Variants in IGF1R observed in about 807,000 individuals in gnomAD.
The protein encoded by IGF1R is insulin like growth factor 1 receptor.
IGF1R carries 44 observed loss-of-function variants against 144.6 expected under a neutral mutation model. The ratio of observed to expected loss-of-function variants is 0.30; its 90% CI spans 0.24 to 0.39. The LOEUF is 0.39. IGF1R is among the 10% of genes least tolerant of loss of function. IGF1R has a pLI of 1.00. For synonymous variants in IGF1R, 795 were observed against 722.8 expected, an observed-to-expected ratio of 1.10 and a Z score of -1.60; for missense variants, 1,355 against 1,833.7, an observed-to-expected ratio of 0.74 and a Z score of 4.77.
Position 98,798,912 on chromosome 15 carries a change from C to T in IGF1R, c.640+90805C>T, listed in dbSNP as rs139738271. ...CTGTTGCAACAGCCTCTCAAGGGTT[C>T]GTTCTGCTATTAGAGCCATGTTATA... On this transcript the variant is annotated intron_variant, in intron 2 of 20. Coordinates refer to ENST00000650285, the MANE Select transcript of IGF1R (RefSeq NM_000875.5). Among the ~76,000 whole-genome samples the T allele has an allele frequency of 3.4e-3, 512 of 152,172 alleles. 5 individuals are homozygous for T. Among genetic ancestry groups the T allele is most frequent in the African/African-American group, 0.012 (484 of 41,500 alleles).
At chr15:98,877,877 A>G (rs1188264567) in intron 2 of IGF1R, among the ~76,000 whole-genome samples, 2 of 152,320 alleles carry the variant, frequency 1.3e-5, no homozygotes, top group East Asian at 1.9e-4. Context: ...TCTAAATAGT[A>G]GTTTCCCTAC....
intron 2 of IGF1R, among the ~76,000 whole-genome samples, chr15:98,798,515 T>A (rs934690993): frequency 2.0e-5 from 3 of 151,898 alleles, no homozygotes; most frequent in African/African-American, 7.3e-5. Flanking sequence ...AGGACAGAAG[T>A]AGAGAGACCA....
intron 20 of IGF1R, among the ~76,000 whole-genome samples, chr15:98,950,507 G>A (rs2016732074): frequency 6.6e-6 from 1 of 152,186 alleles, no homozygotes; most frequent in South Asian, 2.1e-4. Context: ...CCATATTCTT[G>A]GCACCTGTCA....
intron 18 of IGF1R, among the ~76,000 whole-genome samples, chr15:98,940,413 C>CT (rs2016320360): frequency 2.0e-5 from 3 of 152,058 alleles, no homozygotes; most frequent in Non-Finnish European, 2.9e-5. Flanking sequence ...AGAACGGTTT[C>CT]TTTTTTTGAG....
chr15:98,692,021 A>C (rs904526780), intron 1 of IGF1R, among the ~76,000 whole-genome samples: 4 of 152,058 alleles, frequency 2.6e-5, no homozygotes, highest in African/African-American at 9.7e-5. Flanking sequence ...TTTGTGTGTG[A>C]ATCTGTTAAG....
intron 2 of IGF1R, among the ~76,000 whole-genome samples, chr15:98,712,364 T>G (rs2054012914): frequency 6.6e-6 from 1 of 152,234 alleles, no homozygotes; most frequent in Admixed American, 6.5e-5. Flanking sequence ...TTTGCCTATT[T>G]TTTTTCTTTT....
intron 2 of IGF1R, among the ~76,000 whole-genome samples, chr15:98,826,821 C>T (rs765868956): frequency 6.6e-6 from 1 of 152,178 alleles, no homozygotes; most frequent in Non-Finnish European, 1.5e-5. Context: ...TATTTTGTTG[C>T]TGACAAGTAT....
At chr15:98,723,897 T>C (rs2054301306) in intron 2 of IGF1R, among the ~76,000 whole-genome samples, 1 of 152,226 alleles carries the variant, frequency 6.6e-6, no homozygotes, top group Non-Finnish European at 1.5e-5. Flanking sequence ...TGAATGGATT[T>C]GATTCTCTCA....
intron 20 of IGF1R, chr15:98,954,267 G>A (rs1479129134): frequency 6.6e-6 from 1 of 152,190 alleles, no homozygotes; most frequent in Non-Finnish European, 1.5e-5. Flanking sequence ...CCAGGAAGCT[G>A]CTTCCCAGCA....
rs1239496047 is a variant in IGF1R at position 98,957,504 on chromosome 15, G to T, written c.*62G>T. On this transcript the variant is annotated 3_prime_UTR_variant, in exon 21 of 21. Transcript: ENST00000650285. ...GCGCACGCGCAGCGGGGTGGGGGGG[G>T]AGAGAGAGTTTTAACAATCCATTCA... 7.5e-6 allele frequency: 12 copies of T among 1,596,446 alleles called. No individual in the cohort carries two copies. The African/African-American group carries it at 1.1e-4, about 15-fold the overall frequency.
chr15:98,953,235 C>G (rs2016846748), intron 20 of IGF1R: 1 of 152,180 alleles, frequency 6.6e-6, no homozygotes, highest in Non-Finnish European at 1.5e-5. Flanking sequence ...TAGCCAGATT[C>G]TCACCCCTCA....
intron 2 of IGF1R, among the ~76,000 whole-genome samples, chr15:98,771,500 C>G (rs1317553375): frequency 6.6e-6 from 1 of 152,134 alleles, no homozygotes; most frequent in Non-Finnish European, 1.5e-5. Context: ...CTGCACAAGG[C>G]TTTAGTGAGT....
intron 13 of IGF1R, 73 bp from the exon 14 acceptor site, chr15:98,929,485 C>A: frequency 1.7e-6 from 2 of 1,165,144 alleles, no homozygotes; most frequent in Non-Finnish European, 2.6e-6. Context: ...ATACTTCCAA[C>A]TGAATGTGAA....
chr15:98,853,182 A>G (rs2011612506), intron 2 of IGF1R, among the ~76,000 whole-genome samples: 1 of 152,038 alleles, frequency 6.6e-6, no homozygotes, highest in South Asian at 2.1e-4. Context: ...CCCTATTCCT[A>G]GGTTTGAAAT....
chr15:98,732,709 G>T (rs2054522047), intron 2 of IGF1R, among the ~76,000 whole-genome samples: 2 of 152,240 alleles, frequency 1.3e-5, no homozygotes, highest in African/African-American at 4.8e-5. Context: ...CATTAACTAG[G>T]ATAGGAAACA....
At chr15:98,736,904 G>A (rs2054624158) in intron 2 of IGF1R, among the ~76,000 whole-genome samples, 1 of 152,162 alleles carries the variant, frequency 6.6e-6, no homozygotes, top group Non-Finnish European at 1.5e-5. Flanking sequence ...GAGCCACCGA[G>A]CCTGGCTGGT....
At chr15:98,678,594 C>T (rs2053107025) in intron 1 of IGF1R, among the ~76,000 whole-genome samples, 1 of 152,154 alleles carries the variant, frequency 6.6e-6, no homozygotes, top group East Asian at 1.9e-4. Flanking sequence ...CCCACTTCAG[C>T]CTTGACCTCC....
In IGF1R at chr15:98,911,347, A is replaced by G. The variant is rs781459455; in HGVS notation, c.1495A>G (p.Thr499Ala). 1.9e-6 allele frequency: 3 copies of G among 1,614,086 alleles called. No individual in the cohort carries two copies. The highest frequency in any genetic ancestry group is 2.5e-6 in the Non-Finnish European group (3 of 1,179,994). Residue 499 changes from threonine (T) to alanine (A), a missense_variant, in exon 7 of 21, where the codon ACC (threonine) becomes GCC (alanine). By Grantham distance (58) the Thr-to-Ala change is moderately conservative. Around this residue, in one of 7 missense-constraint regions of IGF1R, gnomAD observed 880 missense variants for 1,202.7 expected, o/e 0.73. Coordinates refer to ENST00000650285, the MANE Select transcript of IGF1R (RefSeq NM_000875.5). ...ESDVLHFTST[T>A]TSKNRIIITW... Reference sequence around the variant, plus strand: ...TGACGTCCTGCATTTCACCTCCACCACCACGTCGAAGAATCGCATCATCAT... The same window carrying G: ...TGACGTCCTGCATTTCACCTCCACCGCCACGTCGAAGAATCGCATCATCAT...
At chr15:98,810,752 G>T (rs1353788761) in intron 2 of IGF1R, among the ~76,000 whole-genome samples, 1 of 151,354 alleles carries the variant, frequency 6.6e-6, no homozygotes, top group Admixed American at 6.6e-5. Context: ...GTTTCACCGT[G>T]TTAGCCAGGA....
Sources: allele counts gnomAD v4.1 joint callset (sites outside exome capture counted in the v4.1 genomes callset), GRCh38; gene constraint gnomAD v4.1.1; regional missense constraint gnomAD v4.1.1; transcripts MANE v1.5; gene names NCBI Gene and HGNC (gene_info 2026-07-23, HGNC 2026-07-21).